DNER: variants seen among roughly 807,000 people sequenced by gnomAD.
DNER encodes the protein delta and Notch-like epidermal growth factor-related receptor.
A neutral mutation model predicts 78.2 loss-of-function variants in DNER; 33 were observed. That is an observed-to-expected ratio of 0.42 (90% confidence interval 0.32 to 0.56). The LOEUF is 0.56. DNER is among the 20% of genes least tolerant of loss of function. The pLI is 0.11. For missense variants in DNER, 918 were observed against 975.3 expected (o/e 0.94, Z 0.78); for synonymous variants, 417 against 384.8 (o/e 1.08, Z -0.98).
At chr2:229,562,905 T>G (rs1216347618) in intron 4 of DNER, among the ~76,000 whole-genome samples, 1 of 151,042 alleles carries the variant, frequency 6.6e-6, no homozygotes, top group East Asian at 1.9e-4. Context: ...CATCATCAAC[T>G]TCATCATCAT....
intron 10 of DNER, among the ~76,000 whole-genome samples, chr2:229,396,361 A>G (rs1205509829): frequency 6.6e-6 from 1 of 152,220 alleles, no homozygotes; most frequent in Non-Finnish European, 1.5e-5. Context: ...GTAATTTAAG[A>G]GTTAAAGAGT....
intron 7 of DNER, among the ~76,000 whole-genome samples, chr2:229,467,062 G>A (rs907315841): frequency 4.6e-5 from 7 of 152,138 alleles, no homozygotes; most frequent in African/African-American, 1.7e-4. Flanking sequence ...AGAGGACCCT[G>A]GTCAAATGCA....
chr2:229,381,109 C>T (rs547317194), intron 11 of DNER, among the ~76,000 whole-genome samples: 2 of 152,168 alleles, frequency 1.3e-5, no homozygotes, highest in East Asian at 1.9e-4. Flanking sequence ...ACAGTGGGTA[C>T]AGCCCATGGA....
intron 11 of DNER, among the ~76,000 whole-genome samples, chr2:229,383,375 TA>T (rs1437122410): frequency 1.3e-5 from 2 of 152,190 alleles, no homozygotes; most frequent in Non-Finnish European, 2.9e-5. Flanking sequence ...AATAACCAGC[TA>T]GCATCATAAT....
intron 1 of DNER, among the ~76,000 whole-genome samples, chr2:229,600,944 T>C (rs1697814961): frequency 6.6e-6 from 1 of 152,172 alleles, no homozygotes. Flanking sequence ...CCAGAATTTA[T>C]AGCTTAGGGT....
chr2:229,437,448 G>A (rs1205500564), intron 8 of DNER, among the ~76,000 whole-genome samples: 2 of 152,190 alleles, frequency 1.3e-5, no homozygotes, highest in African/African-American at 4.8e-5. Context: ...ATTGTCCCCA[G>A]GTTGTTGTAT....
intron 4 of DNER, among the ~76,000 whole-genome samples, chr2:229,562,854 AATC>A (rs1053943149): frequency 2.0e-5 from 3 of 151,924 alleles, no homozygotes; most frequent in African/African-American, 7.3e-5. Flanking sequence ...GGACACTATA[AATC>A]ATCATCAACT....
chr2:229,674,844 A>G (rs1363569191), intron 1 of DNER, among the ~76,000 whole-genome samples: 1 of 152,168 alleles, frequency 6.6e-6, no homozygotes, highest in Non-Finnish European at 1.5e-5. Context: ...CCTGTTTCCA[A>G]TGCCCTGAGA....
At chr2:229,557,539 G>C (rs1696873633) in intron 4 of DNER, among the ~76,000 whole-genome samples, 1 of 152,080 alleles carries the variant, frequency 6.6e-6, no homozygotes, top group Non-Finnish European at 1.5e-5. Flanking sequence ...CTGAAGAACT[G>C]GTGCCACATA....
At chr2:229,679,500 G>A (rs899024576) in intron 1 of DNER, among the ~76,000 whole-genome samples, 7 of 151,830 alleles carry the variant, frequency 4.6e-5, no homozygotes, top group Admixed American at 2.6e-4. Flanking sequence ...CTTTTTTTTA[G>A]ATTGAAACAG....
At chr2:229,387,861 TTCTGTGTGTGTG>T (rs1055675656) in intron 11 of DNER, among the ~76,000 whole-genome samples, 2 of 93,586 alleles carry the variant, frequency 2.1e-5, no homozygotes, top group Admixed American at 9.7e-5. Context: ...GTAATTTGCA[TTCTGTGTGTGTG>T]TGTGTGTGTG....
At chr2:229,690,822 G>T (rs963592686) in intron 1 of DNER, among the ~76,000 whole-genome samples, 1 of 152,132 alleles carries the variant, frequency 6.6e-6, no homozygotes, top group African/African-American at 2.4e-5. Context: ...TGGGGTTTGT[G>T]TTTGTGTGTA....
chr2:229,493,641 AATTGTATCTCATTCT>A (rs147119744), intron 6 of DNER, among the ~76,000 whole-genome samples: 18,976 of 152,092 alleles, frequency 0.12, 1,314 homozygotes, highest in South Asian at 0.2. Flanking sequence ...GCTCATATAG[AATTGTATCTCATTCT>A]ATTCACCCAT....
At chr2:229,598,489 T>G (rs1310032819) in intron 1 of DNER, among the ~76,000 whole-genome samples, 1 of 152,210 alleles carries the variant, frequency 6.6e-6, no homozygotes, top group Non-Finnish European at 1.5e-5. Context: ...TTGCTTGCCC[T>G]GCTGGTATGC....
At chr2:229,413,259 G>T (rs1238445415) in intron 9 of DNER, among the ~76,000 whole-genome samples, 1 of 148,608 alleles carries the variant, frequency 6.7e-6, no homozygotes, top group Admixed American at 6.7e-5. Flanking sequence ...CAGCATTATA[G>T]TGGGTTTTTC....
At position 229,591,041 on chromosome 2, in the gene DNER, C is replaced by A. The variant is rs1451575181; in HGVS notation, c.585+539G>T. 6.6e-6 allele frequency among the ~76,000 whole-genome samples: 1 copy of A among 152,332 alleles called. No homozygotes were observed. Among genetic ancestry groups the A allele is most frequent in the East Asian group, 1.9e-4 (1 of 5,182 alleles). ...CGCCATGATTGTAAGCTTCCAGAGGCTCAGCAGAAGCAGATGCTGGTGCCA... is the reference window on the plus strand; with the variant it reads ...CGCCATGATTGTAAGCTTCCAGAGGATCAGCAGAAGCAGATGCTGGTGCCA... On this transcript the variant is annotated intron_variant, in intron 2 of 12. Coordinates refer to ENST00000341772, the MANE Select transcript of DNER (RefSeq NM_139072.4). This position sits in a 1 kb window ranked among gnomAD's most constrained non-coding sequence, Gnocchi z 4.6.
chr2:229,367,955 T>C (rs1692388724), intron 11 of DNER, among the ~76,000 whole-genome samples: 1 of 152,254 alleles, frequency 6.6e-6, no homozygotes, highest in Non-Finnish European at 1.5e-5. Context: ...CTATTCCATA[T>C]TTAGAAAAAG....
chr2:229,380,544 G>T (rs57323922), intron 11 of DNER, among the ~76,000 whole-genome samples: 4,472 of 152,234 alleles, frequency 0.029, 97 homozygotes, highest in African/African-American at 0.06. Flanking sequence ...AGCTCTCTTC[G>T]GCTATGAAAG....
At chr2:229,453,358 G>GT (rs1202832991) in intron 7 of DNER, among the ~76,000 whole-genome samples, 1 of 68,320 alleles carries the variant, frequency 1.5e-5, no homozygotes, top group East Asian at 5.2e-4. Context: ...GGAGGGTTAT[G>GT]AGTTCAGCTT....
Sources: gnomAD v4.1 joint callset for allele counts (sites outside exome capture counted in the v4.1 genomes callset) on GRCh38, gnomAD v4.1.1 for gene constraint, Gnocchi (gnomAD v3.1) non-coding constraint, MANE v1.5 for transcripts, NCBI Gene and HGNC (gene_info 2026-07-23, HGNC 2026-07-21) for gene names.